RAB27B: variants seen among roughly 807,000 people sequenced by gnomAD.
The protein encoded by RAB27B is ras-related protein Rab-27B.
A neutral mutation model predicts 24.6 loss-of-function variants in RAB27B; 15 were observed. That is an observed-to-expected ratio of 0.61 (90% CI 0.41 to 0.94). The LOEUF (loss-of-function observed/expected upper bound fraction) is 0.94. RAB27B is among the 40% of genes least tolerant of loss of function. The probability of loss-of-function intolerance (pLI) is 0.00; values close to 1 mark genes in which losing one functional copy is unlikely to be tolerated. For synonymous variants in RAB27B, 105 were observed against 92.5 expected (o/e 1.14, Z -0.78); for missense variants, 261 against 266.8 (o/e 0.98, Z 0.15).
At chr18:54,878,067 A>T (rs919596822) in intron 2 of RAB27B, among the ~76,000 whole-genome samples, 2 of 152,310 alleles carry the variant, frequency 1.3e-5, no homozygotes, top group African/African-American at 4.8e-5. Context: ...ATTAACTCTG[A>T]TCTGAGTTAA....
rs149689570 is a variant in RAB27B at position 54,867,018 on chromosome 18, C to G, written c.-19-10549C>G. Among the ~76,000 whole-genome samples the G allele has an allele frequency of 1.2e-3, 186 of 152,198 alleles. 2 individuals carry two copies. Among genetic ancestry groups the G allele is most frequent in the African/African-American group, 4.4e-3 (182 of 41,508 alleles). On this transcript the variant is annotated intron_variant, in intron 1 of 5. Transcript: ENST00000262094. The stretch of plus-strand genomic sequence containing the variant: ...AAAAAGAGCAAGTAGCACGTGGCAA[C>G]TAGTGTATATAAGGAGTAGGTTGTG...
chr18:54,736,400 G>A (rs1909894119), intron 2 of RAB27B, among the ~76,000 whole-genome samples: 1 of 151,708 alleles, frequency 6.6e-6, no homozygotes, highest in African/African-American at 2.4e-5. Flanking sequence ...ACTTTACCAT[G>A]GTTTTCTCAT....
intron 2 of RAB27B, among the ~76,000 whole-genome samples, chr18:54,813,989 C>G (rs1347710814): frequency 6.6e-6 from 1 of 152,190 alleles, no homozygotes; most frequent in Non-Finnish European, 1.5e-5. Context: ...TGTATATGTG[C>G]ACATTTCAAC....
At chr18:54,747,485 A>G (rs1261015125) in intron 2 of RAB27B, among the ~76,000 whole-genome samples, 1 of 152,188 alleles carries the variant, frequency 6.6e-6, no homozygotes, top group Non-Finnish European at 1.5e-5. Flanking sequence ...ATGGATATGA[A>G]TTGTGAATTG....
chr18:54,866,514 T>C (rs992545098), intron 1 of RAB27B, among the ~76,000 whole-genome samples: 3 of 152,228 alleles, frequency 2.0e-5, no homozygotes, highest in Non-Finnish European at 4.4e-5. Context: ...CCCAGGCTGG[T>C]CTCAAACTCC....
At chr18:54,888,937 C>T (rs887449373) in intron 5 of RAB27B, among the ~76,000 whole-genome samples, 2 of 152,112 alleles carry the variant, frequency 1.3e-5, no homozygotes, top group African/African-American at 2.4e-5. Context: ...TATTTTTCCC[C>T]TCCTAATTTT....
intron 2 of RAB27B, among the ~76,000 whole-genome samples, chr18:54,741,707 T>C (rs1910077835): frequency 6.6e-6 from 1 of 152,114 alleles, no homozygotes; most frequent in Non-Finnish European, 1.5e-5. Flanking sequence ...CTCACCATGT[T>C]GCCCAAGCTG....
intron 2 of RAB27B, among the ~76,000 whole-genome samples, chr18:54,785,141 G>C (rs564261547): frequency 4.0e-5 from 6 of 150,888 alleles, no homozygotes; most frequent in African/African-American, 1.2e-4. Flanking sequence ...TCGCTCTGTC[G>C]CCCAGGCTGG....
At position 54,863,453 on chromosome 18, in the gene RAB27B, A is replaced by G. The variant is rs138207786; in HGVS notation, c.-19-14114A>G. Reference sequence around the variant, plus strand: ...AGCATTGTGGAGGTAGGCCTGAATAATTATTGTAAGAGAAAATATAATATT... The same window carrying G: ...AGCATTGTGGAGGTAGGCCTGAATAGTTATTGTAAGAGAAAATATAATATT... On this transcript the variant is annotated intron_variant, in intron 1 of 5. Transcript: ENST00000262094. Among the ~76,000 whole-genome samples the G allele has an allele frequency of 1.2e-3, 177 of 152,300 alleles. 4 individuals carry two copies. The East Asian group carries it at 0.03, about 26-fold the overall frequency.
chr18:54,886,953 T>C (rs1913162538), intron 4 of RAB27B, among the ~76,000 whole-genome samples: 1 of 151,320 alleles, frequency 6.6e-6, no homozygotes, highest in Non-Finnish European at 1.5e-5. Flanking sequence ...CTTATATTTT[T>C]TTCCCTTTTT....
chr18:54,773,498 G>T (rs1457846424), intron 2 of RAB27B, among the ~76,000 whole-genome samples: 1 of 152,134 alleles, frequency 6.6e-6, no homozygotes, highest in Non-Finnish European at 1.5e-5. Context: ...CAGTATGATA[G>T]TCTTTACTCT....
At chr18:54,853,185 G>A (rs72924757) in intron 1 of RAB27B, among the ~76,000 whole-genome samples, 57,364 of 151,952 alleles carry the variant, frequency 0.38, 13,137 homozygotes, top group Non-Finnish European at 0.5. Flanking sequence ...GATATGCTGT[G>A]TTCCGAGTAA....
chr18:54,859,339 A>G (rs1911917119), intron 1 of RAB27B, among the ~76,000 whole-genome samples: 1 of 152,228 alleles, frequency 6.6e-6, no homozygotes, highest in Admixed American at 6.5e-5. Context: ...ATGTTTCCAT[A>G]TGAAGGTCCC....
chr18:54,850,838 T>C (rs1911557557), intron 1 of RAB27B, among the ~76,000 whole-genome samples: 1 of 151,532 alleles, frequency 6.6e-6, no homozygotes, highest in South Asian at 2.1e-4. Flanking sequence ...TCTGACTCTT[T>C]AGGAATACAT....
intron 2 of RAB27B, among the ~76,000 whole-genome samples, chr18:54,804,660 T>G (rs1909712633): frequency 6.6e-6 from 1 of 152,132 alleles, no homozygotes; most frequent in Admixed American, 6.5e-5. Flanking sequence ...AAACAAAAAT[T>G]AAGAGCCATG....
At chr18:54,784,237 A>G (rs1007918131) in intron 2 of RAB27B, among the ~76,000 whole-genome samples, 1 of 152,224 alleles carries the variant, frequency 6.6e-6, no homozygotes, top group Non-Finnish European at 1.5e-5. Context: ...ATAATATCCA[A>G]ATTTCAAATT....
At chr18:54,811,586 A>G (rs1909966213) in intron 2 of RAB27B, among the ~76,000 whole-genome samples, 3 of 152,194 alleles carry the variant, frequency 2.0e-5, no homozygotes, top group Admixed American at 6.5e-5. Context: ...TTACATAAAC[A>G]GTAGGGCAGA....
intron 2 of RAB27B, among the ~76,000 whole-genome samples, chr18:54,773,256 A>G (rs1402779662): frequency 6.6e-6 from 1 of 152,224 alleles, no homozygotes; most frequent in Non-Finnish European, 1.5e-5. Context: ...TCATCATTCA[A>G]TACAGGGATG....
At chr18:54,761,544 A>G (rs117117330) in intron 2 of RAB27B, among the ~76,000 whole-genome samples, 4,288 of 152,326 alleles carry the variant, frequency 0.028, 75 homozygotes, top group Middle Eastern at 0.092. Context: ...TACAACAGTT[A>G]TAAACCTTCA....
Sources: allele counts gnomAD v4.1 joint callset (sites outside exome capture counted in the v4.1 genomes callset), GRCh38; gene constraint gnomAD v4.1.1; transcripts MANE v1.5; gene names NCBI Gene and HGNC (gene_info 2026-07-23, HGNC 2026-07-21).